The following GNAL variants were observed in gnomAD, a reference collection of about 807,000 sequenced individuals.
GNAL encodes the protein G protein subunit alpha L.
Under a neutral mutation model 55.1 loss-of-function variants are expected in GNAL, and 18 were observed. The observed-to-expected ratio is 0.33, with a 90% CI of 0.23 to 0.48. The LOEUF (loss-of-function observed/expected upper bound fraction) is 0.48. Ranked by LOEUF, GNAL falls within the 20% of genes least tolerant of loss-of-function variation. The pLI is 0.99. For missense variants in GNAL, 412 were observed against 614.1 expected (o/e 0.67, Z 3.48); for synonymous variants, 253 against 237.0 (o/e 1.07, Z -0.62).
intron 1 of GNAL, among the ~76,000 whole-genome samples, chr18:11,708,519 G>A (rs1167458762): frequency 6.6e-6 from 1 of 152,102 alleles, no homozygotes; most frequent in Non-Finnish European, 1.5e-5. Context: ...CAAATATTTG[G>A]AATATTGCAA....
chr18:11,701,304 A>C (rs745925995), intron 1 of GNAL, among the ~76,000 whole-genome samples: 16 of 152,058 alleles, frequency 1.1e-4, no homozygotes, highest in Non-Finnish European at 2.1e-4. Flanking sequence ...CAAATGCATA[A>C]TGCTGGCCAG....
chr18:11,748,021 A>G (rs1484919879), intron 1 of GNAL, among the ~76,000 whole-genome samples: 1 of 152,142 alleles, frequency 6.6e-6, no homozygotes, highest in Admixed American at 6.5e-5. Flanking sequence ...CCCTGCTCCC[A>G]CTGCTCCAGG....
At chr18:11,800,192 G>A (rs1412458808) in intron 4 of GNAL, among the ~76,000 whole-genome samples, 1 of 152,172 alleles carries the variant, frequency 6.6e-6, no homozygotes, top group African/African-American at 2.4e-5. Context: ...TAGGCAGTCA[G>A]ATTGGTGGAT....
Position 11,885,550 on chromosome 18 carries a change from T to G in GNAL, c.*4415T>G, listed in dbSNP as rs904677791. 27 of 1,165,550 alleles carry G rather than the reference T, an allele frequency of 2.3e-5. No individual in the cohort carries two copies. Among genetic ancestry groups the G allele is most frequent in the Non-Finnish European group, 3.3e-5 (27 of 815,056 alleles). The allele number at this position is 1,165,550 out of a possible 1,614,324, so 72.2% of individuals were successfully genotyped here. On this transcript the variant is annotated 3_prime_UTR_variant, in exon 12 of 12. Coordinates refer to ENST00000334049, the MANE Select transcript of GNAL (RefSeq NM_182978.4). ...AAGGGGCAGTGTATGGAGCTACGTG[T>G]AGAAGGAGAGAAATTTGTGTGTGGC...
intron 5 of GNAL, among the ~76,000 whole-genome samples, chr18:11,829,775 C>T (rs1250740162): frequency 3.3e-5 from 5 of 152,130 alleles, no homozygotes; most frequent in East Asian, 1.9e-4. Context: ...TTTGGGAGGC[C>T]GAGGCGGGTA....
intron 1 of GNAL, among the ~76,000 whole-genome samples, chr18:11,712,195 C>A (rs554369940): frequency 6.6e-6 from 1 of 152,172 alleles, no homozygotes; most frequent in Admixed American, 6.5e-5. Flanking sequence ...TCCCTCAGCA[C>A]GCTGGGTGAA....
chr18:11,868,174 C>A lies in GNAL; in HGVS notation c.911-369C>A, dbSNP rs1339692242. 1.3e-5 allele frequency among the ~76,000 whole-genome samples: 2 copies of A among 151,834 alleles called. No individual in the cohort carries two copies. Among genetic ancestry groups the A allele is most frequent in the Non-Finnish European group, 2.9e-5 (2 of 67,942 alleles). On this transcript the variant is annotated intron_variant, in intron 8 of 11. Transcript: ENST00000334049. This position sits in a 1 kb window ranked among gnomAD's most constrained non-coding sequence, Gnocchi z 4.0. ...AATTAGCCAGGTGTGGTGACACATG[C>A]CTATAATCCTAGCTACTAGGGAGGC... is the stretch of plus-strand genomic sequence containing the variant.
chr18:11,748,415 G>T (rs567440067), intron 1 of GNAL, among the ~76,000 whole-genome samples: 1 of 152,240 alleles, frequency 6.6e-6, no homozygotes, highest in African/African-American at 2.4e-5. Flanking sequence ...TTGTTCCATG[G>T]AAAGGATTTA....
At chr18:11,832,343 GAA>G (rs2035402573) in intron 5 of GNAL, among the ~76,000 whole-genome samples, 1 of 152,108 alleles carries the variant, frequency 6.6e-6, no homozygotes, top group Non-Finnish European at 1.5e-5. Context: ...CAGAAAAAAA[GAA>G]AAGAGCAGCG....
At chr18:11,778,955 C>T (rs1044241426) in intron 4 of GNAL, among the ~76,000 whole-genome samples, 1 of 151,960 alleles carries the variant, frequency 6.6e-6, no homozygotes, top group African/African-American at 2.4e-5. Flanking sequence ...GTTCTCCCAC[C>T]CTGCTTCAAC....
chr18:11,804,758 A>C (rs2034608254), intron 4 of GNAL, among the ~76,000 whole-genome samples: 1 of 128,742 alleles, frequency 7.8e-6, no homozygotes, highest in Non-Finnish European at 1.6e-5. Context: ...TGTAGTGGTG[A>C]AGTACAGGTG....
chr18:11,788,047 A>C (rs1000180603), intron 4 of GNAL, among the ~76,000 whole-genome samples: 1 of 152,038 alleles, frequency 6.6e-6, no homozygotes, highest in Non-Finnish European at 1.5e-5. Context: ...GTCCCCAGTA[A>C]ATTTATCCTT....
At chr18:11,843,484 C>G (rs1470293791) in intron 5 of GNAL, among the ~76,000 whole-genome samples, 1 of 151,438 alleles carries the variant, frequency 6.6e-6, no homozygotes, top group Non-Finnish European at 1.5e-5. Flanking sequence ...GAGATCGCAC[C>G]ACTGCACTCC....
At chr18:11,761,597 T>A (rs2033246004) in intron 4 of GNAL, among the ~76,000 whole-genome samples, 1 of 152,226 alleles carries the variant, frequency 6.6e-6, no homozygotes, top group South Asian at 2.1e-4. Flanking sequence ...CTCAGGTTCT[T>A]TGAGGGTGCC....
intron 1 of GNAL, among the ~76,000 whole-genome samples, chr18:11,690,627 A>G (rs2031218159): frequency 8.8e-6 from 1 of 113,790 alleles, no homozygotes; most frequent in Non-Finnish European, 1.7e-5. Context: ...ACCCCACAAC[A>G]GTCCCCAGAG....
intron 1 of GNAL, among the ~76,000 whole-genome samples, chr18:11,740,028 C>T (rs910855529): frequency 6.6e-6 from 1 of 152,160 alleles, no homozygotes; most frequent in African/African-American, 2.4e-5. Context: ...GCCCTCCTTC[C>T]GCATTCACTA....
chr18:11,740,999 G>C (rs1025896673), intron 1 of GNAL, among the ~76,000 whole-genome samples: 2 of 152,178 alleles, frequency 1.3e-5, no homozygotes, highest in East Asian at 3.9e-4. Context: ...TAGACAATTC[G>C]ATATTCTATT....
In GNAL at chr18:11,752,976, C is replaced by A; in HGVS notation, c.449+51C>A. The A allele has an allele frequency of 9.5e-7, 1 of 1,057,538 alleles. No homozygotes were observed. Among genetic ancestry groups the A allele is most frequent in the Non-Finnish European group, 1.5e-6 (1 of 683,456 alleles). 65.5% of individuals were successfully genotyped at this position (1,057,538 alleles called of 1,614,324 possible). A position where few individuals can be genotyped will look rare whatever the true frequency, so the allele number is the denominator to read the frequency against. Reference sequence around the variant, plus strand: ...ACTGCATGCAAACTTCGTCTCTCTCCCAGACGTCCCAAAAGTGCTTTCTCT... The same window carrying A: ...ACTGCATGCAAACTTCGTCTCTCTCACAGACGTCCCAAAAGTGCTTTCTCT... On this transcript the variant is annotated intron_variant, in intron 2 of 11. Transcript: ENST00000334049. This position sits in a 1 kb window ranked among gnomAD's most constrained non-coding sequence, Gnocchi z 4.5.
intron 1 of GNAL, among the ~76,000 whole-genome samples, chr18:11,726,532 T>A (rs1022095884): frequency 6.6e-6 from 1 of 152,306 alleles, no homozygotes; most frequent in African/African-American, 2.4e-5. Flanking sequence ...CCTCTGCCCC[T>A]CTCTGGGGCA....
Sources: allele counts gnomAD v4.1 joint callset (sites outside exome capture counted in the v4.1 genomes callset), GRCh38; gene constraint gnomAD v4.1.1; non-coding constraint Gnocchi (gnomAD v3.1); transcripts MANE v1.5; gene names NCBI Gene and HGNC (gene_info 2026-07-23, HGNC 2026-07-21).